ATF7IP2: variants seen among roughly 807,000 people sequenced by gnomAD.
ATF7IP2 encodes activating transcription factor 7-interacting protein 2.
ATF7IP2 carries 42 observed loss-of-function variants against 64.2 expected under a neutral mutation model. The observed-to-expected ratio is 0.65, with a 90% confidence interval of 0.51 to 0.85. ATF7IP2 has a LOEUF of 0.85. Among genes scored for constraint, ATF7IP2 ranks in the 40% least tolerant of loss-of-function variants. The probability of loss-of-function intolerance (pLI) is 0.00; values close to 1 mark genes in which losing one functional copy is unlikely to be tolerated. For missense variants in ATF7IP2, 933 were observed against 784.2 expected (o/e 1.19, Z -2.27); for synonymous variants, 308 against 272.8 (o/e 1.13, Z -1.27).
At chr16:10,412,010 G>GGTTTTTTTTTTTTTTTTTTTTTT (rs1476575065) in intron 1 of ATF7IP2, among the ~76,000 whole-genome samples, 4 of 58,390 alleles carry the variant, frequency 6.9e-5, no homozygotes, top group Non-Finnish European at 1.3e-4. Context: ...ATCTTTTTTT[G>GGTTTTTTTTTTTTTTTTTTTTTT]TTTTTTTTTT....
At chr16:10,419,555 G>A (rs1201607892) in intron 2 of ATF7IP2, 26 bp from the exon 3 acceptor site, 1 of 153,192 alleles carries the variant, frequency 6.5e-6, no homozygotes, top group African/African-American at 2.4e-5. Context: ...ATTACTCATT[G>A]TGATTGGTTG....
intron 1 of ATF7IP2, among the ~76,000 whole-genome samples, chr16:10,403,445 C>T (rs955717204): frequency 2.0e-5 from 3 of 151,906 alleles, no homozygotes; most frequent in Admixed American, 1.3e-4. Context: ...AAAGTCACAA[C>T]CTCAAGAAAA....
chr16:10,458,397 A>G (rs2049254743), intron 9 of ATF7IP2, among the ~76,000 whole-genome samples: 1 of 152,266 alleles, frequency 6.6e-6, no homozygotes, highest in African/African-American at 2.4e-5. Context: ...TAGTGATGGA[A>G]GTGAAAAAGA....
intron 9 of ATF7IP2, among the ~76,000 whole-genome samples, chr16:10,469,756 A>G (rs2049719873): frequency 1.3e-5 from 2 of 152,198 alleles, no homozygotes; most frequent in Admixed American, 6.5e-5. Flanking sequence ...AGCCTGGGAA[A>G]CGAGCAAAAC....
intron 9 of ATF7IP2, among the ~76,000 whole-genome samples, chr16:10,469,897 A>G (rs2049726661): frequency 6.6e-6 from 1 of 152,164 alleles, no homozygotes. Flanking sequence ...AAGTTTAAAA[A>G]AAAAAAAAAG....
chr16:10,425,268 C>G (rs534098056), intron 3 of ATF7IP2, among the ~76,000 whole-genome samples: 1 of 148,216 alleles, frequency 6.7e-6, no homozygotes, highest in East Asian at 2.0e-4. Flanking sequence ...CGGGGTTTCA[C>G]CACGTTGGCC....
Position 10,440,365 on chromosome 16 carries a change from C to T in ATF7IP2, c.1097C>T (p.Ala366Val), listed in dbSNP as rs749835754. The change falls in exon 8 of 14, where the codon GCA becomes GTA. Residue 366 changes from alanine (A) to valine (V), a missense_variant and splice_region_variant. Transcript: ENST00000562102. Reference protein sequence around the residue: ...KHEGIADKLLAKIAKLQRRIK... With the variant: ...KHEGIADKLLVKIAKLQRRIK... ...TATTTTTTTCTCTTTTTCTTCTAGG[C>T]AAAAATAGCAAAACTTCAAAGACGT... The T allele has an allele frequency of 9.3e-6, 14 of 1,501,892 alleles. No individual in the cohort carries two copies. Among genetic ancestry groups the T allele is most frequent in the Non-Finnish European group, 1.1e-5 (12 of 1,111,930 alleles). 93.0% of individuals were successfully genotyped at this position (1,501,892 alleles called of 1,614,324 possible).
intron 4 of ATF7IP2, 52 bp from the exon 5 acceptor site, chr16:10,430,545 AATTCAGTAGTAAAT>A: frequency 1.1e-6 from 1 of 894,576 alleles, no homozygotes; most frequent in South Asian, 1.9e-5. Flanking sequence ...AAATAACTTT[AATTCAGTAGTAAAT>A]AACTTTTATT....
intron 1 of ATF7IP2, among the ~76,000 whole-genome samples, chr16:10,408,480 C>T (rs1465900158): frequency 6.6e-6 from 1 of 152,180 alleles, no homozygotes; most frequent in African/African-American, 2.4e-5. Context: ...GTTCCATTTA[C>T]ACCACATCCA....
intron 8 of ATF7IP2, among the ~76,000 whole-genome samples, chr16:10,453,781 C>G (rs1253089953): frequency 1.3e-5 from 2 of 152,012 alleles, no homozygotes; most frequent in Admixed American, 6.5e-5. Flanking sequence ...CCACACCTGG[C>G]TAATTTTGTA....
rs1567184036 is a variant in ATF7IP2, at chr16:10,481,863, C to T, written c.1663C>T (p.Pro555Ser). 1.2e-6 allele frequency: 2 copies of T among 1,600,072 alleles called. No homozygotes were observed. Among genetic ancestry groups the T allele is most frequent in the Non-Finnish European group, 1.7e-6 (2 of 1,175,642 alleles). Residue 555 changes from proline to serine, a missense_variant, in exon 14 of 14, where the codon CCT (proline) becomes TCT (serine). Transcript: ENST00000562102. ...QVPESFEHLP[P>S]LPEPPAPLPE... ...TCCTGAGTCCTTTGAGCACCTGCCA[C>T]CTCTCCCAGAACCACCAGCACCACT... is the stretch of plus-strand genomic sequence containing the variant.
Position 10,430,781 on chromosome 16 carries a change from G to C in ATF7IP2, c.161G>C (p.Ser54Thr), listed in dbSNP as rs1266204941. The C allele has an allele frequency of 1.4e-5, 22 of 1,581,438 alleles. No individual in the cohort carries two copies. The highest frequency in any genetic ancestry group is 1.8e-5 in the Non-Finnish European group (21 of 1,166,570). ...SNVPSGNQSF[S>T]PSVITRTTEI... ...GTTCCAAGCGGTAATCAGAGTTTCA[G>C]TCCTAGTGTCATAACTAGGACGACT... The change falls in exon 5 of 14, where the codon AGT becomes ACT. Residue 54 changes from serine (S) to threonine (T), a missense_variant. Transcript: ENST00000562102.
At chr16:10,412,276 G>A (rs1340681202) in intron 1 of ATF7IP2, among the ~76,000 whole-genome samples, 1 of 151,590 alleles carries the variant, frequency 6.6e-6, no homozygotes, top group African/African-American at 2.4e-5. Flanking sequence ...TAGATTGTCT[G>A]TTTGTGCTCT....
chr16:10,426,350 A>G (rs767077395), intron 3 of ATF7IP2, among the ~76,000 whole-genome samples: 8 of 152,220 alleles, frequency 5.3e-5, no homozygotes, highest in Non-Finnish European at 7.3e-5. Context: ...AACGGGTTCT[A>G]TGATAGGCAA....
intron 7 of ATF7IP2, among the ~76,000 whole-genome samples, chr16:10,439,811 G>C (rs944056749): frequency 2.0e-5 from 3 of 151,510 alleles, no homozygotes; most frequent in African/African-American, 7.3e-5. Context: ...TGGAATTACA[G>C]GCGTGAGCCA....
intron 9 of ATF7IP2, among the ~76,000 whole-genome samples, chr16:10,464,942 C>T (rs75372757): frequency 0.18 from 27,517 of 152,052 alleles, 2,652 homozygotes; most frequent in African/African-American, 0.24. Flanking sequence ...GTGATTCTTC[C>T]GCCTCAGCCT....
At chr16:10,444,798 G>T (rs953985682) in intron 8 of ATF7IP2, among the ~76,000 whole-genome samples, 11 of 152,070 alleles carry the variant, frequency 7.2e-5, no homozygotes, top group African/African-American at 2.4e-4. Context: ...AACAATATTT[G>T]CACTGAAACG....
intron 9 of ATF7IP2, among the ~76,000 whole-genome samples, chr16:10,468,005 G>T (rs781621306): frequency 1.3e-5 from 2 of 150,128 alleles, no homozygotes; most frequent in Non-Finnish European, 2.9e-5. Flanking sequence ...TCAGCCTCCC[G>T]AGTAGCTGGG....
chr16:10,431,873 G>C (rs1190993213), intron 5 of ATF7IP2, among the ~76,000 whole-genome samples: 1 of 144,392 alleles, frequency 6.9e-6, no homozygotes, highest in Admixed American at 7.2e-5. Context: ...GCTCAGGCTG[G>C]AGTGCAGTGG....
Sources: allele counts gnomAD v4.1 joint callset (sites outside exome capture counted in the v4.1 genomes callset), GRCh38; gene constraint gnomAD v4.1.1; transcripts MANE v1.5; gene names NCBI Gene and HGNC (gene_info 2026-07-23, HGNC 2026-07-21).